Variants in CLNK observed in about 807,000 individuals in gnomAD.
CLNK encodes the protein cytokine-dependent hematopoietic cell linker.
In CLNK, 74 loss-of-function variants were observed where a neutral mutation model predicts 68.6. The observed-to-expected ratio is 1.08, with a 90% CI of 0.89 to 1.31. The LOEUF (loss-of-function observed/expected upper bound fraction) is 1.31. Among genes scored for constraint, CLNK ranks in the 50% most tolerant of loss-of-function variants. The pLI is 0.00. For missense variants in CLNK, 553 were observed against 515.3 expected (o/e 1.07, Z -0.71); for synonymous variants, 198 against 172.2 (o/e 1.15, Z -1.17).
chr4:10,613,446 T>C (rs1722108919), intron 2 of CLNK, among the ~76,000 whole-genome samples: 2 of 152,090 alleles, frequency 1.3e-5, no homozygotes, highest in Non-Finnish European at 2.9e-5. Flanking sequence ...CCTGCAGGGA[T>C]GGATGGGGAA....
chr4:10,560,692 T>G (rs1300491503), intron 7 of CLNK, among the ~76,000 whole-genome samples: 1 of 152,120 alleles, frequency 6.6e-6, no homozygotes, highest in African/African-American at 2.4e-5. Flanking sequence ...AATCCCCCTG[T>G]CTTGGCCTCC....
chr4:10,551,433 T>TATA (rs1560212779), intron 8 of CLNK, among the ~76,000 whole-genome samples: 2 of 139,462 alleles, frequency 1.4e-5, no homozygotes, highest in African/African-American at 5.1e-5. Flanking sequence ...ATATATATAT[T>TATA]TTTTTTTAGT....
intron 1 of CLNK, among the ~76,000 whole-genome samples, chr4:10,675,074 G>A (rs2108899098): frequency 6.6e-6 from 1 of 152,230 alleles, no homozygotes. Flanking sequence ...GATGGATGCA[G>A]CAAACCACCA....
chr4:10,605,210 C>G (rs1721739688), intron 2 of CLNK, among the ~76,000 whole-genome samples: 1 of 152,176 alleles, frequency 6.6e-6, no homozygotes, highest in Non-Finnish European at 1.5e-5. Flanking sequence ...GAGACATTTC[C>G]TTAAAATAAA....
At chr4:10,543,239 G>T (rs1275398732) in intron 8 of CLNK, among the ~76,000 whole-genome samples, 1 of 152,188 alleles carries the variant, frequency 6.6e-6, no homozygotes, top group Non-Finnish European at 1.5e-5. Context: ...GGACACTTAA[G>T]TTACTCTGGG....
At chr4:10,502,006 G>A (rs1717076268) in intron 17 of CLNK, among the ~76,000 whole-genome samples, 1 of 152,178 alleles carries the variant, frequency 6.6e-6, no homozygotes, top group Non-Finnish European at 1.5e-5. Flanking sequence ...AACTTAGCAT[G>A]ACCAACCTAT....
At chr4:10,650,339 A>C (rs571976508) in intron 2 of CLNK, among the ~76,000 whole-genome samples, 36 of 152,290 alleles carry the variant, frequency 2.4e-4, no homozygotes, top group South Asian at 2.3e-3. Flanking sequence ...AAATACTCAA[A>C]GAGATAATGA....
chr4:10,720,291 G>A, the CLNK span, among the ~76,000 whole-genome samples: 1 of 152,012 alleles, frequency 6.6e-6, no homozygotes, highest in African/African-American at 2.4e-5. Flanking sequence ...AAATTTACAA[G>A]TTTCTCTGAA....
At chr4:10,731,325 C>T in the CLNK span, among the ~76,000 whole-genome samples, 11 of 152,074 alleles carry the variant, frequency 7.2e-5, no homozygotes, top group Non-Finnish European at 1.6e-4. Flanking sequence ...GACAGTCTCT[C>T]GCAATGCAAC....
At chr4:10,571,801 T>C (rs762108341) in intron 4 of CLNK, 23 bp from the exon 5 acceptor site, 26 of 1,605,878 alleles carry the variant, frequency 1.6e-5, no homozygotes, top group Non-Finnish European at 2.0e-5. Context: ...ACAGACCGAG[T>C]GTTATTTTAA....
intron 3 of CLNK, among the ~76,000 whole-genome samples, chr4:10,585,448 C>G (rs961584923): frequency 6.6e-6 from 1 of 152,216 alleles, no homozygotes; most frequent in Admixed American, 6.5e-5. Flanking sequence ...AGGCAAACGC[C>G]GAGCTGTAAC....
chr4:10,699,512 A>ATATTTT, the CLNK span, among the ~76,000 whole-genome samples: 34 of 32,720 alleles, frequency 1.0e-3, no homozygotes, highest in Non-Finnish European at 1.2e-3. Context: ...ATATATATAT[A>ATATTTT]TTTTTTTTTT....
intron 3 of CLNK, 68 bp from the exon 4 acceptor site, chr4:10,585,023 GAACAGGCA>G: frequency 1.9e-6 from 3 of 1,541,426 alleles, no homozygotes; most frequent in Non-Finnish European, 2.7e-6. Flanking sequence ...CGCCACATAG[GAACAGGCA>G]GTCATCAAAC....
At chr4:10,660,173 T>C (rs1300151826) in intron 2 of CLNK, among the ~76,000 whole-genome samples, 1 of 152,240 alleles carries the variant, frequency 6.6e-6, no homozygotes, top group Admixed American at 6.5e-5. Context: ...TGTTTTTCCT[T>C]ATTTCCATGT....
intron 17 of CLNK, among the ~76,000 whole-genome samples, chr4:10,502,178 G>T (rs74337092): frequency 6.6e-6 from 1 of 152,158 alleles, no homozygotes; most frequent in Admixed American, 6.5e-5. Flanking sequence ...CCTGAGACTG[G>T]GTAATTTATA....
intron 5 of CLNK, among the ~76,000 whole-genome samples, chr4:10,567,492 A>T (rs1399350834): frequency 1.3e-5 from 2 of 152,206 alleles, no homozygotes; most frequent in Non-Finnish European, 1.5e-5. Flanking sequence ...CCCTTAAAAT[A>T]TTGGAGTAAA....
rs554423223 is a variant in CLNK at position 10,663,344 on chromosome 4, C to T, written c.11+4515G>A. On this transcript the variant is annotated intron_variant, in intron 2 of 18. Coordinates refer to ENST00000226951, the MANE Select transcript of CLNK (RefSeq NM_052964.4). ...CGAAGCAATTTAGAATCATGACATC[C>T]GGATCCCTTCTTAGTACTTGTGGAG... is the stretch of plus-strand genomic sequence containing the variant. Among the ~76,000 whole-genome samples, 42 of 152,252 alleles carry T rather than the reference C, an allele frequency of 2.8e-4. 2 individuals carry two copies. In the South Asian group the frequency reaches 7.1e-3, roughly 26 times the overall value.
the CLNK span, among the ~76,000 whole-genome samples, chr4:10,703,981 A>C: frequency 3.8e-3 from 578 of 152,292 alleles, 7 homozygotes; most frequent in African/African-American, 0.013. Context: ...AATAATAATC[A>C]CATTTTCAGT....
At chr4:10,715,974 G>A in the CLNK span, among the ~76,000 whole-genome samples, 3 of 152,214 alleles carry the variant, frequency 2.0e-5, no homozygotes, top group African/African-American at 7.2e-5. Flanking sequence ...AAGAAGAGGT[G>A]AATTCTTTTC....
Sources: gnomAD v4.1 joint callset for allele counts (sites outside exome capture counted in the v4.1 genomes callset) on GRCh38, gnomAD v4.1.1 for gene constraint, MANE v1.5 for transcripts, NCBI Gene and HGNC (gene_info 2026-07-23, HGNC 2026-07-21) for gene names.